Variants in PRKD3 observed in about 807,000 individuals in gnomAD.
PRKD3 encodes protein kinase D3, also known as serine/threonine-protein kinase D3.
Under a neutral mutation model 99.2 loss-of-function variants are expected in PRKD3, and 47 were observed. That is an observed-to-expected ratio of 0.47 (90% CI 0.38 to 0.60). PRKD3 has a LOEUF of 0.60. Ranked by LOEUF, PRKD3 falls within the 20% of genes least tolerant of loss-of-function variation. The probability of loss-of-function intolerance (pLI) is 0.00; values close to 1 mark genes in which losing one functional copy is unlikely to be tolerated. For missense variants in PRKD3, 1,019 were observed against 1,088.4 expected, an observed-to-expected ratio of 0.94 and a Z score of 0.90; for synonymous variants, 392 against 355.4, an observed-to-expected ratio of 1.10 and a Z score of -1.16.
Position 37,316,304 on chromosome 2 carries a change from G to GT in PRKD3, c.220dup (p.Thr74AsnfsTer3), listed in dbSNP as rs1671652966. 1 of 1,614,120 alleles carries GT rather than the reference G, an allele frequency of 6.2e-7. No individual in the cohort carries two copies. The highest frequency in any genetic ancestry group is 1.3e-5 in the African/African-American group (1 of 74,942). On this transcript the variant is annotated frameshift_variant, in exon 2 of 19. Coordinates refer to ENST00000234179, the MANE Select transcript of PRKD3 (RefSeq NM_005813.6). LOFTEE classifies it high-confidence loss of function. Reference sequence around the variant, plus strand: ...TAAAGACAGTTCCTGGGCTTCAATGGTAACACTCTCCCGTGTGAGGCCAAT... The same window carrying GT: ...TAAAGACAGTTCCTGGGCTTCAATGGTTAACACTCTCCCGTGTGAGGCCAAT...
At chr2:37,313,472 A>G (rs1390562517) in intron 2 of PRKD3, among the ~76,000 whole-genome samples, 1 of 152,230 alleles carries the variant, frequency 6.6e-6, no homozygotes, top group Non-Finnish European at 1.5e-5. Flanking sequence ...ATCTATTTAA[A>G]CACATGTTTT....
At chr2:37,265,777 A>C (rs1182540532) in intron 14 of PRKD3, among the ~76,000 whole-genome samples, 6 of 152,212 alleles carry the variant, frequency 3.9e-5, no homozygotes, top group African/African-American at 1.4e-4. Flanking sequence ...ATCTATTCCC[A>C]GTTTGGGCAA....
At chr2:37,294,387 C>T (rs1670585282) in intron 2 of PRKD3, among the ~76,000 whole-genome samples, 1 of 152,076 alleles carries the variant, frequency 6.6e-6, no homozygotes, top group Non-Finnish European at 1.5e-5. Context: ...TGAGCCACCA[C>T]AACTGGCCTC....
At chr2:37,322,526 T>A (rs1015372092) in intron 1 of PRKD3, among the ~76,000 whole-genome samples, 4 of 152,234 alleles carry the variant, frequency 2.6e-5, no homozygotes, top group Non-Finnish European at 5.9e-5. Flanking sequence ...GTAATAAGAT[T>A]ATGGACTGCC....
At chr2:37,253,462 A>G in intron 18 of PRKD3, 112 bp from the exon 19 acceptor site, 1 of 806,062 alleles carries the variant, frequency 1.2e-6, no homozygotes, top group Non-Finnish European at 1.9e-6. Context: ...CAAATAATTG[A>G]CAGGCGCTAC....
intron 10 of PRKD3, among the ~76,000 whole-genome samples, chr2:37,274,966 G>A (rs942478998): frequency 6.6e-6 from 1 of 152,160 alleles, no homozygotes; most frequent in African/African-American, 2.4e-5. Context: ...AGAGTAATCT[G>A]CCACTATATC....
chr2:37,259,274 G>T (rs1668226801), intron 16 of PRKD3, among the ~76,000 whole-genome samples: 1 of 152,108 alleles, frequency 6.6e-6, no homozygotes, highest in African/African-American at 2.4e-5. Flanking sequence ...TATTTATGAG[G>T]TATTTATCCT....
rs550345283 is a variant in PRKD3 at position 37,281,695 on chromosome 2, C to A, written c.988+847G>T. 3.9e-5 allele frequency among the ~76,000 whole-genome samples: 6 copies of A among 152,250 alleles called. No individual in the cohort carries two copies. The South Asian group carries it at 1.0e-3, about 26-fold the overall frequency. On this transcript the variant is annotated intron_variant, in intron 7 of 18. Coordinates refer to ENST00000234179, the MANE Select transcript of PRKD3 (RefSeq NM_005813.6). ...CCTAGCCTATGGTATTTTGTTATAG[C>A]AGCACAAACAGACTAAGACAACCAA... is the stretch of plus-strand genomic sequence containing the variant.
At position 37,251,175 on chromosome 2, in the gene PRKD3, C is replaced by CATG. The variant is rs1667458893; in HGVS notation, c.*2001_*2002insCAT. 6.6e-6 allele frequency: 1 copy of CATG among 152,506 alleles called. No individual in the cohort carries two copies. Among genetic ancestry groups the CATG allele is most frequent in the Non-Finnish European group, 1.5e-5 (1 of 68,022 alleles). The allele number at this position is 152,506 out of a possible 1,614,324, so 9.4% of individuals were successfully genotyped here. On this transcript the variant is annotated 3_prime_UTR_variant, in exon 19 of 19. Coordinates refer to ENST00000234179, the MANE Select transcript of PRKD3 (RefSeq NM_005813.6). ...GTGAAACTGGGAAGTCATCCTCTAT[C>CATG]ACAGGGAAAATAACATTTCTAAAAA...
chr2:37,255,152 T>G (rs1242351817), intron 17 of PRKD3, among the ~76,000 whole-genome samples: 1 of 152,202 alleles, frequency 6.6e-6, no homozygotes. Flanking sequence ...AGGTCTGAGA[T>G]AACACTGGTT....
In PRKD3 at chr2:37,258,906, C is replaced by G. The variant is rs1045102268; in HGVS notation, c.2145+677G>C. Among the ~76,000 whole-genome samples, 3 of 152,066 alleles carry G rather than the reference C, an allele frequency of 2.0e-5. No homozygotes were observed. The East Asian group carries it at 5.8e-4, about 29-fold the overall frequency. On this transcript the variant is annotated intron_variant, in intron 16 of 18. Coordinates refer to ENST00000234179, the MANE Select transcript of PRKD3 (RefSeq NM_005813.6). ...TTTGGCAACAGATATTTGAGCTGAT[C>G]GGAGGAATCATCCTTGCCAATTATG... is the stretch of plus-strand genomic sequence containing the variant.
Position 37,316,512 on chromosome 2 carries a change from T to G in PRKD3, c.13A>C (p.Asn5His). The G allele has an allele frequency of 4.3e-6, 7 of 1,613,074 alleles. No homozygotes were observed. The highest frequency in any genetic ancestry group is 5.9e-6 in the Non-Finnish European group (7 of 1,179,322). ...GACTTCTGGGCTGATGGAGGGGAAT[T>G]ATTTGCAGACATCTGCCTTTCTTTA... MSAN[N>H]SPPSAQKSVL... The change falls in exon 2 of 19, where the codon AAT (asparagine) becomes CAT (histidine). Residue 5 changes from asparagine to histidine, a missense_variant. Asn to His is a moderately conservative substitution (Grantham distance 68, BLOSUM62 1). Around this residue, in one of 3 missense-constraint regions of PRKD3, gnomAD observed 710 missense variants for 692.7 expected, o/e 1.02. Transcript: ENST00000234179.
In PRKD3 at chr2:37,253,217, A is replaced by G. The variant is rs762464896; in HGVS notation, c.2633T>C (p.Ile878Thr). ...CATATCATCTGGATTAGGAGCCATA[A>G]TGAAGTGCTTTGGGTATACAAGGTT... ...THNLVYPKHF[I>T]MAPNPDDMEE... The change falls in exon 19 of 19, where the codon ATT (isoleucine) becomes ACT (threonine). Residue 878 changes from isoleucine (I) to threonine (T), a missense_variant. By Grantham distance (89) the Ile-to-Thr change is moderately conservative (BLOSUM62 -1). Transcript: ENST00000234179. The G allele has an allele frequency of 1.1e-5, 18 of 1,611,980 alleles. No homozygotes were observed. The highest frequency in any genetic ancestry group is 1.4e-5 in the Non-Finnish European group (17 of 1,178,746).
chr2:37,322,129 C>T (rs6715050), intron 1 of PRKD3, among the ~76,000 whole-genome samples: 6,676 of 152,230 alleles, frequency 0.044, 160 homozygotes, highest in African/African-American at 0.051. Flanking sequence ...TATTCTTTTA[C>T]CACGTAAAAG....
At chr2:37,271,263 C>T (rs753447964) in intron 12 of PRKD3, among the ~76,000 whole-genome samples, 1 of 152,038 alleles carries the variant, frequency 6.6e-6, no homozygotes, top group African/African-American at 2.4e-5. Flanking sequence ...CAAACTCCAG[C>T]TTGTGGGCAA....
Position 37,253,069 on chromosome 2 carries a change from T to G in PRKD3, c.*108A>C. On this transcript the variant is annotated 3_prime_UTR_variant, in exon 19 of 19. Transcript: ENST00000234179. The stretch of plus-strand genomic sequence containing the variant: ...GGTGTCACTTATTCGTTATCATATT[T>G]CTTCATATCTTTGCAGCACTGCAGA... 1 of 1,156,562 alleles carries G rather than the reference T, an allele frequency of 8.6e-7. No homozygotes were observed. The highest frequency in any genetic ancestry group is 1.2e-6 in the Non-Finnish European group (1 of 833,362). 71.6% of individuals were successfully genotyped at this position (1,156,562 alleles called of 1,614,324 possible).
intron 1 of PRKD3, among the ~76,000 whole-genome samples, chr2:37,320,751 T>G (rs535158521): frequency 6.6e-6 from 1 of 152,164 alleles, no homozygotes; most frequent in Non-Finnish European, 1.5e-5. Flanking sequence ...TACTTCTACT[T>G]TGATGAATGT....
At chr2:37,264,046 C>A (rs1179775871) in intron 14 of PRKD3, among the ~76,000 whole-genome samples, 1 of 152,090 alleles carries the variant, frequency 6.6e-6, no homozygotes, top group East Asian at 1.9e-4. Context: ...CCTCTTCAGG[C>A]AAGACAGCAA....
At chr2:37,257,228 A>AT (rs1395512279) in intron 16 of PRKD3, among the ~76,000 whole-genome samples, 2 of 152,340 alleles carry the variant, frequency 1.3e-5, no homozygotes, top group African/African-American at 2.4e-5. Context: ...TTCTTATGAA[A>AT]TAGAGTATGC....
Sources: allele counts gnomAD v4.1 joint callset (sites outside exome capture counted in the v4.1 genomes callset), GRCh38; gene constraint gnomAD v4.1.1; regional missense constraint gnomAD v4.1.1; transcripts MANE v1.5; gene names NCBI Gene and HGNC (gene_info 2026-07-23, HGNC 2026-07-21).